NSRP1: variants seen among roughly 807,000 people sequenced by gnomAD.
NSRP1 encodes the protein coiled-coil domain containing 55.
NSRP1 carries 24 observed loss-of-function variants against 54.7 expected under a neutral mutation model. The observed-to-expected ratio is 0.44, with a 90% confidence interval of 0.32 to 0.62. NSRP1 has a LOEUF of 0.62. Among genes scored for constraint, NSRP1 ranks in the 20% least tolerant of loss-of-function variants. NSRP1 has a pLI of 0.06. For synonymous variants in NSRP1, 210 were observed against 213.8 expected, an observed-to-expected ratio of 0.98 and a Z score of 0.15; for missense variants, 596 against 651.2, an observed-to-expected ratio of 0.92 and a Z score of 0.92.
chr17:30,143,620 A>G (rs941542372), intron 2 of NSRP1, among the ~76,000 whole-genome samples: 1 of 152,226 alleles, frequency 6.6e-6, no homozygotes, highest in Non-Finnish European at 1.5e-5. Flanking sequence ...AACATAGTTA[A>G]TGATGTTCCT....
intron 3 of NSRP1, among the ~76,000 whole-genome samples, chr17:30,177,653 G>C (rs935618847): frequency 6.6e-6 from 1 of 152,144 alleles, no homozygotes; most frequent in African/African-American, 2.4e-5. Flanking sequence ...ACCAAGGTTA[G>C]GTGTTTCCAT....
chr17:30,118,307 G>T, intron 2 of NSRP1, 134 bp downstream of exon 2: 1 of 614,350 alleles, frequency 1.6e-6, no homozygotes, highest in Non-Finnish European at 2.7e-6. Context: ...TGTCAAAAAG[G>T]AAGGTGTAAA....
intron 2 of NSRP1, among the ~76,000 whole-genome samples, chr17:30,164,762 C>T (rs560579859): frequency 3.3e-5 from 5 of 151,960 alleles, no homozygotes; most frequent in Non-Finnish European, 4.4e-5. Context: ...CATGTCACTG[C>T]GCTCCAGCCT....
intron 5 of NSRP1, among the ~76,000 whole-genome samples, chr17:30,179,898 TCAACCATGGCTCACTG>T (rs1654626247): frequency 1.4e-5 from 2 of 147,678 alleles, no homozygotes; most frequent in African/African-American, 5.0e-5. Context: ...GTGCAGTGGC[TCAACCATGGCTCACTG>T]CAGCCCTGAC....
rs148406120 is a variant in NSRP1 at position 30,141,994 on chromosome 17, A to C, written c.114+23821A>C. Among the ~76,000 whole-genome samples, 623 of 152,288 alleles carry C rather than the reference A, an allele frequency of 4.1e-3. 4 individuals carry two copies. Among genetic ancestry groups the C allele is most frequent in the African/African-American group, 0.014 (592 of 41,564 alleles). On this transcript the variant is annotated intron_variant, in intron 2 of 6. Transcript: ENST00000247026. ...ACTCCAGCCTGGGCAACAGAGTGAG[A>C]CTGTCTCAAAAAATTTTTTTAAATG...
intron 2 of NSRP1, chr17:30,163,192 TGTGTGTGTGTGTGTGTGTGTGTGTGTG>T (rs1904592209): frequency 1.1e-4 from 1 of 8,782 alleles, no homozygotes; most frequent in African/African-American, 3.4e-4. Context: ...GCTAATTTTG[TGTGTGTGTGTGTGTGTGTGTGTGTGTG>T]TGTGTGTGTG....
chr17:30,141,186 C>T (rs1421749174), intron 2 of NSRP1, among the ~76,000 whole-genome samples: 1 of 152,054 alleles, frequency 6.6e-6, no homozygotes, highest in Non-Finnish European at 1.5e-5. Flanking sequence ...TTTCTTTTAT[C>T]TTTATTATCT....
chr17:30,177,049 A>G (rs1597620951), intron 3 of NSRP1, among the ~76,000 whole-genome samples: 1 of 152,120 alleles, frequency 6.6e-6, no homozygotes, highest in African/African-American at 2.4e-5. Flanking sequence ...CCGGGGGCAA[A>G]AGGCTAAGAT....
At chr17:30,155,830 TTTTA>T (rs1274459945) in intron 2 of NSRP1, among the ~76,000 whole-genome samples, 1 of 152,110 alleles carries the variant, frequency 6.6e-6, no homozygotes, top group Non-Finnish European at 1.5e-5. Context: ...CATCTCTTAA[TTTTA>T]TTTTATTTAT....
chr17:30,127,332 TCTAAAC>T (rs1278513810), intron 2 of NSRP1, among the ~76,000 whole-genome samples: 2 of 152,238 alleles, frequency 1.3e-5, no homozygotes, highest in Non-Finnish European at 2.9e-5. Flanking sequence ...AATGTTTATT[TCTAAAC>T]AATGGTATAC....
chr17:30,151,409 C>A (rs569272959), intron 2 of NSRP1, among the ~76,000 whole-genome samples: 1 of 152,264 alleles, frequency 6.6e-6, no homozygotes, highest in African/African-American at 2.4e-5. Flanking sequence ...ACAGCTAACA[C>A]ACTTTTTATA....
intron 2 of NSRP1, among the ~76,000 whole-genome samples, chr17:30,169,663 TAGC>T (rs918114286): frequency 5.9e-5 from 9 of 152,078 alleles, no homozygotes; most frequent in African/African-American, 2.2e-4. Context: ...CAATAAATGT[TAGC>T]AGCTATTACT....
intron 2 of NSRP1, among the ~76,000 whole-genome samples, chr17:30,134,511 G>A (rs533079476): frequency 2.0e-5 from 3 of 152,284 alleles, no homozygotes; most frequent in South Asian, 4.1e-4. Flanking sequence ...CCTTTTTGTT[G>A]TTGTCTTAGG....
At position 30,118,169 on chromosome 17, in the gene NSRP1, ATGAGG is replaced by A; in HGVS notation, c.112_114+2del. On this transcript the variant is annotated splice_donor_variant and coding_sequence_variant, in exon 2 of 7. Coordinates refer to ENST00000247026, the MANE Select transcript of NSRP1 (RefSeq NM_032141.4). LOFTEE classifies it high-confidence loss of function. The stretch of plus-strand genomic sequence containing the variant: ...TTTGGGAATGATTCTGATGATGATG[ATGAGG>A]TAAGGAAACCTATGTTTTACTCGTG... 1 of 1,612,952 alleles carries A rather than the reference ATGAGG, an allele frequency of 6.2e-7. No individual in the cohort carries two copies. The highest frequency in any genetic ancestry group is 1.7e-5 in the Admixed American group (1 of 59,994).
At chr17:30,144,992 A>G (rs142655499) in intron 2 of NSRP1, among the ~76,000 whole-genome samples, 38 of 152,204 alleles carry the variant, frequency 2.5e-4, no homozygotes, top group African/African-American at 8.4e-4. Context: ...TTTTGTTTTG[A>G]GTACATATGA....
At chr17:30,150,929 C>A (rs34454041) in intron 2 of NSRP1, among the ~76,000 whole-genome samples, 11,406 of 151,984 alleles carry the variant, frequency 0.075, 520 homozygotes, top group South Asian at 0.12. Flanking sequence ...CTTAGGTGAT[C>A]TGCTCACCTC....
At chr17:30,121,215 TATC>T (rs754473962) in intron 2 of NSRP1, among the ~76,000 whole-genome samples, 4 of 152,216 alleles carry the variant, frequency 2.6e-5, no homozygotes, top group East Asian at 1.9e-4. Flanking sequence ...AATTCGGTGA[TATC>T]ATCACACTTT....
intron 1 of NSRP1, chr17:30,117,189 T>C (rs771621902): frequency 6.1e-5 from 42 of 687,710 alleles, no homozygotes; most frequent in Non-Finnish European, 1.0e-4. Context: ...TTCTCCCCGC[T>C]TGGATGCTCT....
At chr17:30,143,583 T>C (rs1271215742) in intron 2 of NSRP1, among the ~76,000 whole-genome samples, 1 of 152,180 alleles carries the variant, frequency 6.6e-6, no homozygotes, top group African/African-American at 2.4e-5. Context: ...CCTTTGACTG[T>C]TCATTATAAG....
Sources: gnomAD v4.1 joint callset for allele counts (sites outside exome capture counted in the v4.1 genomes callset) on GRCh38, gnomAD v4.1.1 for gene constraint, MANE v1.5 for transcripts, NCBI Gene and HGNC (gene_info 2026-07-23, HGNC 2026-07-21) for gene names.